Variants in NANOS3 observed in about 807,000 individuals in gnomAD.
NANOS3 encodes nanos C2HC-type zinc finger 3.
A neutral mutation model predicts 13.8 loss-of-function variants in NANOS3; 11 were observed. That is an observed-to-expected ratio of 0.80 (90% confidence interval 0.50 to 1.32). The LOEUF is 1.32. Among genes scored for constraint, NANOS3 ranks in the 40% most tolerant of loss-of-function variants. The pLI is 0.00. For missense variants in NANOS3, 221 were observed against 263.8 expected (o/e 0.84, Z 1.12); for synonymous variants, 119 against 115.4 (o/e 1.03, Z -0.20).
upstream of NANOS3, among the ~76,000 whole-genome samples, chr19:13,876,540 C>G (rs193279595): frequency 1.4e-4 from 22 of 152,286 alleles, no homozygotes; most frequent in Non-Finnish European, 2.9e-4. Context: ...GGGGGTTCCA[C>G]TAAGACAACC....
At chr19:13,868,059 CAG>C (rs1976269033) in intron 1 of NANOS3, among the ~76,000 whole-genome samples, 2 of 150,628 alleles carry the variant, frequency 1.3e-5, no homozygotes, top group Middle Eastern at 3.4e-3. Context: ...TTTTTGGAGA[CAG>C]AGTCTTGCTC....
intron 1 of NANOS3, among the ~76,000 whole-genome samples, chr19:13,879,924 G>A (rs527620931): frequency 6.6e-6 from 1 of 152,298 alleles, no homozygotes; most frequent in South Asian, 2.1e-4. Context: ...TACTCGGGGG[G>A]CTGAGACAGG....
upstream of NANOS3, among the ~76,000 whole-genome samples, chr19:13,863,591 T>C (rs1198142779): frequency 6.6e-6 from 1 of 151,698 alleles, no homozygotes; most frequent in Non-Finnish European, 1.5e-5. Context: ...TCAACAGAGC[T>C]GACTGGCCCC....
intron 1 of NANOS3, among the ~76,000 whole-genome samples, chr19:13,867,330 G>C (rs544211974): frequency 6.6e-6 from 1 of 151,400 alleles, no homozygotes. Flanking sequence ...CTGCAATCTA[G>C]GCTCACTGCA....
At chr19:13,867,985 A>G (rs1422016136) in intron 1 of NANOS3, among the ~76,000 whole-genome samples, 2 of 152,112 alleles carry the variant, frequency 1.3e-5, no homozygotes. Flanking sequence ...TCACGGGGAA[A>G]TGACACACAG....
At chr19:13,864,588 G>A (rs1033255348), upstream of NANOS3, among the ~76,000 whole-genome samples, 5 of 152,042 alleles carry the variant, frequency 3.3e-5, no homozygotes, top group Non-Finnish European at 1.5e-5. Flanking sequence ...GTGTGTCACG[G>A]TGCTCCTGTG....
chr19:13,866,371 A>G (rs1198035679), intron 1 of NANOS3, among the ~76,000 whole-genome samples: 3 of 139,370 alleles, frequency 2.2e-5, no homozygotes, highest in Non-Finnish European at 4.7e-5. Context: ...TTCCCTACCC[A>G]TTCCACACCC....
rs549165946 is a variant in NANOS3 at position 13,868,225 on chromosome 19, A to T, written n.21+2788A>T. On this transcript the variant is annotated intron_variant and non_coding_transcript_variant, in intron 1 of 2. Coordinates refer to the NANOS3 transcript ENST00000591161. Reference sequence around the variant, plus strand: ...AGGCGCCCGCTACCATGCCTGGCTAATTTTTGTATTTTTAATAGAGACAGA... The same window carrying T: ...AGGCGCCCGCTACCATGCCTGGCTATTTTTTGTATTTTTAATAGAGACAGA... 2.0e-5 allele frequency among the ~76,000 whole-genome samples: 3 copies of T among 151,758 alleles called. No individual in the cohort carries two copies. The South Asian group carries it at 6.3e-4, about 32-fold the overall frequency.
upstream of NANOS3, among the ~76,000 whole-genome samples, chr19:13,873,765 C>A (rs1198756868): frequency 6.6e-6 from 1 of 152,148 alleles, no homozygotes; most frequent in Non-Finnish European, 1.5e-5. Context: ...CCGCAGCACC[C>A]GGCCATGCCG....
chr19:13,869,220 C>T (rs572433001), intron 1 of NANOS3, among the ~76,000 whole-genome samples: 23 of 152,226 alleles, frequency 1.5e-4, no homozygotes, highest in African/African-American at 5.3e-4. Context: ...CACTGCGTTG[C>T]CCAGGCTGAT....
chr19:13,864,489 A>G (rs552728918), upstream of NANOS3, among the ~76,000 whole-genome samples: 3 of 151,878 alleles, frequency 2.0e-5, no homozygotes, highest in Admixed American at 6.6e-5. Context: ...GGCTGTGCAT[A>G]TATGTGTGTG....
upstream of NANOS3, among the ~76,000 whole-genome samples, chr19:13,864,491 A>C (rs989046782): frequency 1.3e-5 from 2 of 151,700 alleles, no homozygotes; most frequent in Admixed American, 6.6e-5. Flanking sequence ...CTGTGCATAT[A>C]TGTGTGTGTC....
chr19:13,869,985 C>G (rs890745794), intron 1 of NANOS3, among the ~76,000 whole-genome samples: 1 of 152,024 alleles, frequency 6.6e-6, no homozygotes. Context: ...GCAGGACACA[C>G]GGGCCGCCAG....
At chr19:13,868,923 ACACACACACG>A (rs1976282961) in intron 1 of NANOS3, among the ~76,000 whole-genome samples, 1 of 152,060 alleles carries the variant, frequency 6.6e-6, no homozygotes, top group Non-Finnish European at 1.5e-5. Flanking sequence ...ACAGGAACTT[ACACACACACG>A]CACACACACA....
upstream of NANOS3, among the ~76,000 whole-genome samples, chr19:13,873,471 T>C: frequency 6.6e-6 from 1 of 151,858 alleles, no homozygotes. Flanking sequence ...GCCAGGAAAT[T>C]ACTTATTTTT....
upstream of NANOS3, among the ~76,000 whole-genome samples, chr19:13,874,271 A>G (rs1051613014): frequency 2.0e-5 from 3 of 152,192 alleles, no homozygotes; most frequent in East Asian, 1.9e-4. Flanking sequence ...ATTACATTGT[A>G]TTAAAATGGC....
chr19:13,877,141 A>G lies in NANOS3; in HGVS notation c.-108A>G. The G allele has an allele frequency of 1.1e-6, 1 of 951,072 alleles. No homozygotes were observed. The allele number at this position is 951,072 out of a possible 1,614,324, so 58.9% of individuals were successfully genotyped here. ...CGGCCAGCACAGACTCCCAGGCTCC[A>G]GAGAGGGGAAGGAAGGGGCAGCAGA... On this transcript the variant is annotated 5_prime_UTR_variant, in exon 1 of 2. Coordinates refer to ENST00000339133, the MANE Select transcript of NANOS3 (RefSeq NM_001098622.3).
At chr19:13,869,503 A>T (rs1319743459) in intron 1 of NANOS3, among the ~76,000 whole-genome samples, 1 of 152,042 alleles carries the variant, frequency 6.6e-6, no homozygotes, top group Non-Finnish European at 1.5e-5. Context: ...CCCTGGCATG[A>T]AAGACTCCCG....
upstream of NANOS3, chr19:13,875,035 A>G (rs1242769604): frequency 4.5e-6 from 2 of 442,652 alleles, no homozygotes; most frequent in East Asian, 1.1e-4. Flanking sequence ...CCCCACCGCC[A>G]CAGTCACTCA....
Sources: allele counts gnomAD v4.1 joint callset (sites outside exome capture counted in the v4.1 genomes callset), GRCh38; gene constraint gnomAD v4.1.1; transcripts MANE v1.5; gene names NCBI Gene and HGNC (gene_info 2026-07-23, HGNC 2026-07-21).